ELAPOR2: variants seen among roughly 807,000 people sequenced by gnomAD.
ELAPOR2 encodes the protein endosome-lysosome associated apoptosis and autophagy regulator family member 2, also known as endosome/lysosome-associated apoptosis and autophagy regulator family member 2.
Under a neutral mutation model 120.7 loss-of-function variants are expected in ELAPOR2, and 89 were observed. The observed-to-expected ratio is 0.74, with a 90% CI of 0.62 to 0.88. The LOEUF (loss-of-function observed/expected upper bound fraction) is 0.88. ELAPOR2 is among the 40% of genes least tolerant of loss of function. The pLI is 0.00. For missense variants in ELAPOR2, 1,134 were observed against 1,251.6 expected (o/e 0.91, Z 1.42); for synonymous variants, 444 against 444.9 (o/e 1.00, Z 0.03).
At position 86,914,917 on chromosome 7, in the gene ELAPOR2, C is replaced by T. The variant is rs867184649; in HGVS notation, c.1594-57G>A. On this transcript the variant is annotated intron_variant, in intron 12 of 21. Transcript: ENST00000450689. ...AAAGCACAAACTCAACATTAATATA[C>T]CTGTGTATATATTACAAATGTATTC... 4 of 1,321,184 alleles carry T rather than the reference C, an allele frequency of 3.0e-6. No individual in the cohort carries two copies. In the Middle Eastern group the frequency reaches 7.6e-4, roughly 251 times the overall value. 81.8% of individuals were successfully genotyped at this position (1,321,184 alleles called of 1,614,324 possible).
At chr7:87,045,058 A>G (rs1450987006) in intron 1 of ELAPOR2, among the ~76,000 whole-genome samples, 3 of 132,980 alleles carry the variant, frequency 2.3e-5, no homozygotes, top group African/African-American at 3.2e-5. Flanking sequence ...CCACAATGAG[A>G]TACCATCTCA....
Position 86,947,948 on chromosome 7 carries a change from C to T in ELAPOR2, c.311-26G>A, listed in dbSNP as rs1033538922. On this transcript the variant is annotated intron_variant, in intron 2 of 21. Transcript: ENST00000450689. ...CTGGAAGGCAGAAGAATGGACAACCCATTACTTACCCTCCCATCAATTTCC... is the reference window on the plus strand; with the variant it reads ...CTGGAAGGCAGAAGAATGGACAACCTATTACTTACCCTCCCATCAATTTCC... The T allele has an allele frequency of 6.1e-6, 9 of 1,480,326 alleles. No individual in the cohort carries two copies. In the Admixed American group the frequency reaches 1.4e-4, roughly 23 times the overall value. The allele number at this position is 1,480,326 out of a possible 1,614,324, so 91.7% of individuals were successfully genotyped here.
chr7:87,003,209 G>A (rs1627374), intron 1 of ELAPOR2, among the ~76,000 whole-genome samples: 57,477 of 151,836 alleles, frequency 0.38, 11,725 homozygotes, highest in African/African-American at 0.53. Flanking sequence ...GCAAAGACAG[G>A]CTAATATTGC....
intron 1 of ELAPOR2, among the ~76,000 whole-genome samples, chr7:87,012,109 C>T (rs993881741): frequency 6.6e-6 from 1 of 152,134 alleles, no homozygotes; most frequent in Admixed American, 6.6e-5. Flanking sequence ...GAAATAGCCA[C>T]ATTTAAAGTG....
chr7:86,996,734 C>T (rs1351000346), intron 1 of ELAPOR2, among the ~76,000 whole-genome samples: 1 of 152,190 alleles, frequency 6.6e-6, no homozygotes, highest in Non-Finnish European at 1.5e-5. Context: ...AGAGATGTAA[C>T]TGGCATGGCC....
intron 1 of ELAPOR2, among the ~76,000 whole-genome samples, chr7:86,989,395 G>A (rs1375119825): frequency 6.6e-6 from 1 of 152,136 alleles, no homozygotes; most frequent in Non-Finnish European, 1.5e-5. Context: ...CAGGTGCAGT[G>A]GGCTATAGAC....
chr7:86,938,533 T>C (rs1426080747), intron 7 of ELAPOR2, among the ~76,000 whole-genome samples: 1 of 152,056 alleles, frequency 6.6e-6, no homozygotes, highest in Non-Finnish European at 1.5e-5. Context: ...CAACAAATCA[T>C]GTAAAAGTAT....
At chr7:86,974,580 A>AGTGTGTGTGTGTGTGTGTGTGT (rs35712048) in intron 1 of ELAPOR2, among the ~76,000 whole-genome samples, 4 of 138,736 alleles carry the variant, frequency 2.9e-5, no homozygotes, top group African/African-American at 8.1e-5. Flanking sequence ...GAACCCCTGT[A>AGTGTGTGTGTGTGTGTGTGTGT]GTGTGTGTGT....
Position 86,893,026 on chromosome 7 carries a change from G to C in ELAPOR2, c.2760C>G (p.Thr920=). ...TCAGCCAAAAGTCAACCGTTTCACA[G>C]GTTGCCAACTTTTTCTCAGGCAAAG... ...GISLPEKKLA[T]CETVDFWLKV... Residue 920 remains threonine (T), a synonymous_variant, in exon 20 of 22, where the codon ACC becomes ACG. Transcript: ENST00000450689. 6.3e-7 allele frequency: 1 copy of C among 1,587,390 alleles called. No individual in the cohort carries two copies. Among genetic ancestry groups the C allele is most frequent in the Non-Finnish European group, 8.5e-7 (1 of 1,170,446 alleles).
At position 86,940,108 on chromosome 7, in the gene ELAPOR2, A is replaced by G; in HGVS notation, c.749T>C (p.Leu250Pro). The G allele has an allele frequency of 1.2e-6, 2 of 1,608,140 alleles. No homozygotes were observed. Among genetic ancestry groups the G allele is most frequent in the Non-Finnish European group, 8.5e-7 (1 of 1,175,332 alleles). ...GTAGAGTATGTTTGTGCCTGATTTC[A>G]GCATTACCTATAAAGAGAAACATAA... is the stretch of plus-strand genomic sequence containing the variant. ...NGEWGSHSVM[L>P]KSGTNILYWR... Residue 250 changes from leucine to proline, a missense_variant, in exon 6 of 22, where the codon CTG (leucine) becomes CCG (proline). Transcript: ENST00000450689.
chr7:86,913,326 T>C lies in ELAPOR2; in HGVS notation c.1732-122A>G, dbSNP rs1035099924. On this transcript the variant is annotated intron_variant, in intron 13 of 21. Coordinates refer to ENST00000450689, the MANE Select transcript of ELAPOR2 (RefSeq NM_001142749.3). ...AGTGTTCCAGCCTAATAGTTTGTAA[T>C]TGACAATAGATTAATATCACTGCTA... The C allele has an allele frequency of 1.8e-5, 17 of 921,846 alleles. No homozygotes were observed. The Admixed American group carries it at 2.9e-4, about 16-fold the overall frequency. 57.1% of individuals were successfully genotyped at this position (921,846 alleles called of 1,614,324 possible).
intron 12 of ELAPOR2, among the ~76,000 whole-genome samples, chr7:86,915,807 C>A (rs1420656753): frequency 6.6e-6 from 1 of 151,226 alleles, no homozygotes; most frequent in Non-Finnish European, 1.5e-5. Flanking sequence ...AGAGACACAT[C>A]CTGAGTTCAC....
At chr7:87,051,135 G>A (rs548466155) in intron 1 of ELAPOR2, among the ~76,000 whole-genome samples, 70 of 152,222 alleles carry the variant, frequency 4.6e-4, no homozygotes, top group South Asian at 8.3e-4. Context: ...AGAGACTCCC[G>A]ACATCACTAG....
intron 1 of ELAPOR2, among the ~76,000 whole-genome samples, chr7:87,040,967 G>A (rs1351526521): frequency 1.3e-5 from 2 of 151,352 alleles, no homozygotes; most frequent in African/African-American, 2.5e-5. Flanking sequence ...GTGAAGAATG[G>A]AGAAGCCTCA....
intron 21 of ELAPOR2, among the ~76,000 whole-genome samples, chr7:86,890,479 G>A (rs961732944): frequency 1.1e-4 from 17 of 152,020 alleles, no homozygotes; most frequent in African/African-American, 4.1e-4. Flanking sequence ...TTCCTGTAAT[G>A]CAACCAAGTG....
intron 1 of ELAPOR2, among the ~76,000 whole-genome samples, chr7:86,967,947 G>A (rs966726168): frequency 6.6e-6 from 1 of 152,150 alleles, no homozygotes; most frequent in Non-Finnish European, 1.5e-5. Context: ...CAGGGATTTA[G>A]ATAGTAGCCC....
intron 1 of ELAPOR2, among the ~76,000 whole-genome samples, chr7:86,992,474 C>A (rs1043993609): frequency 6.6e-6 from 1 of 152,008 alleles, no homozygotes; most frequent in Admixed American, 6.6e-5. Context: ...ACTGAGTATT[C>A]CAAGATATCA....
chr7:86,918,664 C>T (rs774312961), intron 11 of ELAPOR2, 120 bp from the exon 12 acceptor site: 7 of 642,924 alleles, frequency 1.1e-5, no homozygotes, highest in African/African-American at 1.8e-5. Context: ...TAATCTACCA[C>T]TTCCCTCACC....
At chr7:86,913,313 T>C (rs1789411375) in intron 13 of ELAPOR2, 109 bp from the exon 14 acceptor site, 4 of 1,018,582 alleles carry the variant, frequency 3.9e-6, no homozygotes, top group Admixed American at 2.4e-5. Flanking sequence ...TGTTCCAGCC[T>C]AATAGTTTGT....
Sources: allele counts gnomAD v4.1 joint callset (sites outside exome capture counted in the v4.1 genomes callset), GRCh38; gene constraint gnomAD v4.1.1; transcripts MANE v1.5; gene names NCBI Gene and HGNC (gene_info 2026-07-23, HGNC 2026-07-21).